TMEM71: variants seen among roughly 807,000 people sequenced by gnomAD.
TMEM71 encodes transmembrane protein 71.
TMEM71 carries 44 observed loss-of-function variants against 38.0 expected under a neutral mutation model. The ratio of observed to expected loss-of-function variants is 1.16; its 90% CI spans 0.91 to 1.49. The LOEUF (loss-of-function observed/expected upper bound fraction) is 1.49, where lower values mean the gene tolerates loss of function less well. Ranked by LOEUF, TMEM71 falls within the 40% of genes most tolerant of loss-of-function variation. The pLI is 0.00. For missense variants in TMEM71, 367 were observed against 348.6 expected (o/e 1.05, Z -0.42); for synonymous variants, 133 against 122.5 (o/e 1.09, Z -0.56).
intron 5 of TMEM71, among the ~76,000 whole-genome samples, chr8:132,736,308 A>T (rs55754237): frequency 6.6e-6 from 1 of 152,196 alleles, no homozygotes; most frequent in Non-Finnish European, 1.5e-5. Context: ...ATGGATGGAC[A>T]CTCCAAAAGG....
the TMEM71 span, chr8:132,775,589 C>G: frequency 5.7e-6 from 2 of 349,976 alleles, no homozygotes; most frequent in Non-Finnish European, 1.0e-5. Context: ...CCGCCCTGCT[C>G]GTGCCCCAGC....
intron 7 of TMEM71, 35 bp from the exon 8 acceptor site, chr8:132,714,250 A>C (rs372690974): frequency 1.3e-6 from 2 of 1,521,412 alleles, no homozygotes; most frequent in African/African-American, 1.4e-5. Flanking sequence ...TTAGCATACT[A>C]ATTGTGCATT....
chr8:132,733,009 G>T (rs1236848789), intron 5 of TMEM71, among the ~76,000 whole-genome samples: 1 of 152,216 alleles, frequency 6.6e-6, no homozygotes, highest in Non-Finnish European at 1.5e-5. Context: ...TCTGGTAGGT[G>T]CTTCAAGTGA....
chr8:132,760,993 C>T (rs1218879041), upstream of TMEM71, among the ~76,000 whole-genome samples: 1 of 152,130 alleles, frequency 6.6e-6, no homozygotes, highest in Non-Finnish European at 1.5e-5. Context: ...ATTCAGAATA[C>T]TATTAAATAG....
At chr8:132,751,460 G>A (rs191111345) in intron 4 of TMEM71, among the ~76,000 whole-genome samples, 53 of 152,288 alleles carry the variant, frequency 3.5e-4, no homozygotes, top group African/African-American at 1.0e-3. Flanking sequence ...GCACCCTGAC[G>A]GGTTTCTATC....
chr8:132,768,865 C>T, the TMEM71 span, among the ~76,000 whole-genome samples: 1 of 152,364 alleles, frequency 6.6e-6, no homozygotes, highest in Middle Eastern at 3.4e-3. Context: ...TGGTCCTGGC[C>T]AAGAGGCCAG....
At chr8:132,743,444 G>A (rs975159803) in intron 5 of TMEM71, among the ~76,000 whole-genome samples, 3 of 152,014 alleles carry the variant, frequency 2.0e-5, no homozygotes, top group Non-Finnish European at 2.9e-5. Context: ...CCATTGCTGA[G>A]TACTCCCACC....
chr8:132,734,184 A>G (rs1028541404), intron 5 of TMEM71, among the ~76,000 whole-genome samples: 1 of 152,086 alleles, frequency 6.6e-6, no homozygotes, highest in Admixed American at 6.6e-5. Context: ...ACGCATACAC[A>G]TACACACACA....
chr8:132,709,374 G>A (rs949556637), downstream of TMEM71, among the ~76,000 whole-genome samples: 3 of 152,116 alleles, frequency 2.0e-5, no homozygotes, highest in Admixed American at 6.5e-5. Context: ...ATTATTACAC[G>A]AGGCTATTTC....
intron 5 of TMEM71, among the ~76,000 whole-genome samples, chr8:132,744,903 A>T (rs1828251233): frequency 6.6e-6 from 1 of 152,230 alleles, no homozygotes; most frequent in South Asian, 2.1e-4. Context: ...AATCTTTGAC[A>T]AAGTTGACAA....
the TMEM71 span, among the ~76,000 whole-genome samples, chr8:132,774,927 T>C: frequency 2.0e-5 from 3 of 152,250 alleles, no homozygotes; most frequent in Non-Finnish European, 4.4e-5. Flanking sequence ...GATTGTCATG[T>C]GACATATTTA....
At chr8:132,749,928 C>T (rs774752493) in intron 4 of TMEM71, among the ~76,000 whole-genome samples, 2 of 150,324 alleles carry the variant, frequency 1.3e-5, no homozygotes, top group Admixed American at 6.7e-5. Flanking sequence ...GCAGAAGAAT[C>T]GCTTGAACCA....
intron 5 of TMEM71, among the ~76,000 whole-genome samples, chr8:132,739,343 G>A (rs1249230581): frequency 6.6e-6 from 1 of 151,976 alleles, no homozygotes; most frequent in African/African-American, 2.4e-5. Flanking sequence ...ATGGAGTCTC[G>A]CTCTGTCACC....
intron 6 of TMEM71, among the ~76,000 whole-genome samples, chr8:132,723,139 T>C (rs569415481): frequency 8.5e-5 from 13 of 152,354 alleles, no homozygotes; most frequent in South Asian, 2.1e-4. Flanking sequence ...ATGCTGAAGA[T>C]TGGCAATTCA....
At chr8:132,715,209 G>A (rs988300545) in intron 7 of TMEM71, among the ~76,000 whole-genome samples, 9 of 151,416 alleles carry the variant, frequency 5.9e-5, no homozygotes, top group Admixed American at 2.6e-4. Context: ...GATTGAGACC[G>A]TCCTGGCTAA....
intron 7 of TMEM71, among the ~76,000 whole-genome samples, chr8:132,715,405 G>A (rs1375336255): frequency 3.4e-4 from 17 of 50,706 alleles, no homozygotes; most frequent in African/African-American, 4.9e-4. Context: ...GCAAGACTCC[G>A]TCTCAAAAAA....
intron 3 of TMEM71, among the ~76,000 whole-genome samples, chr8:132,754,766 A>G (rs1055108802): frequency 3.9e-5 from 6 of 152,214 alleles, no homozygotes; most frequent in Admixed American, 3.9e-4. Flanking sequence ...ATGTCATACA[A>G]ATATGTTATC....
At chr8:132,743,224 TG>T (rs1256517296) in intron 5 of TMEM71, among the ~76,000 whole-genome samples, 1 of 152,158 alleles carries the variant, frequency 6.6e-6, no homozygotes, top group Non-Finnish European at 1.5e-5. Context: ...TCTTCTCATT[TG>T]CTTTCACCCT....
chr8:132,737,964 A>G (rs1827837749), intron 5 of TMEM71, among the ~76,000 whole-genome samples: 1 of 152,144 alleles, frequency 6.6e-6, no homozygotes, highest in South Asian at 2.1e-4. Context: ...TTCCCATAAG[A>G]TATCTCAAAT....
Sources: gnomAD v4.1 joint callset for allele counts (sites outside exome capture counted in the v4.1 genomes callset) on GRCh38, gnomAD v4.1.1 for gene constraint, MANE v1.5 for transcripts, NCBI Gene and HGNC (gene_info 2026-07-23, HGNC 2026-07-21) for gene names.